ZFPM2: variants seen among roughly 807,000 people sequenced by gnomAD.
ZFPM2 encodes the protein zinc finger protein ZFPM2.
Under a neutral mutation model 98.6 loss-of-function variants are expected in ZFPM2, and 20 were observed. The observed-to-expected ratio is 0.20, with a 90% CI of 0.14 to 0.29. The LOEUF (loss-of-function observed/expected upper bound fraction) is 0.29. Ranked by LOEUF, ZFPM2 falls within the 10% of genes least tolerant of loss-of-function variation. The pLI is 1.00. For synonymous variants in ZFPM2, 518 were observed against 502.7 expected, an observed-to-expected ratio of 1.03 and a Z score of -0.41; for missense variants, 1,310 against 1,388.6, an observed-to-expected ratio of 0.94 and a Z score of 0.90.
chr8:105,591,518 T>G (rs148619633), intron 4 of ZFPM2, among the ~76,000 whole-genome samples: 83 of 152,248 alleles, frequency 5.5e-4, no homozygotes, highest in African/African-American at 1.9e-3. Flanking sequence ...TTAATACAGT[T>G]TTAAACTTGT....
At chr8:105,760,615 A>G (rs1563552419) in intron 5 of ZFPM2, among the ~76,000 whole-genome samples, 2 of 152,096 alleles carry the variant, frequency 1.3e-5, no homozygotes, top group African/African-American at 2.4e-5. Flanking sequence ...GTGGATTTAA[A>G]TCATGATATG....
intron 4 of ZFPM2, among the ~76,000 whole-genome samples, chr8:105,591,953 G>A (rs1815854296): frequency 6.6e-6 from 1 of 152,144 alleles, no homozygotes; most frequent in African/African-American, 2.4e-5. Flanking sequence ...TGTTAATTGT[G>A]TAAAAGAAAA....
At chr8:105,320,017 T>C (rs1166882074) in intron 1 of ZFPM2, among the ~76,000 whole-genome samples, 1 of 152,184 alleles carries the variant, frequency 6.6e-6, no homozygotes, top group Non-Finnish European at 1.5e-5. Flanking sequence ...AGCTTTATGA[T>C]GTGTCTGTTT....
chr8:105,423,627 T>G (rs2130103460), intron 2 of ZFPM2, among the ~76,000 whole-genome samples: 1 of 152,276 alleles, frequency 6.6e-6, no homozygotes, highest in Non-Finnish European at 1.5e-5. Context: ...GTACTGAAAT[T>G]TTCGTTTCAG....
At chr8:105,724,038 T>TC (rs1213635854) in intron 5 of ZFPM2, among the ~76,000 whole-genome samples, 1 of 151,870 alleles carries the variant, frequency 6.6e-6, no homozygotes, top group African/African-American at 2.4e-5. Context: ...TTTGCTGGCA[T>TC]TAAAGTTTGC....
At chr8:105,369,203 C>T (rs181889399) in intron 1 of ZFPM2, among the ~76,000 whole-genome samples, 3 of 152,212 alleles carry the variant, frequency 2.0e-5, no homozygotes, top group Admixed American at 2.0e-4. Context: ...ATCAGGTTTT[C>T]ACAAGATTAA....
chr8:105,540,979 A>G (rs2130624606), intron 3 of ZFPM2, among the ~76,000 whole-genome samples: 1 of 152,234 alleles, frequency 6.6e-6, no homozygotes, highest in African/African-American at 2.4e-5. Flanking sequence ...TGACTTTGAA[A>G]CAGTTTTATG....
chr8:105,418,430 T>C (rs1356614947), intron 1 of ZFPM2: 1 of 413,798 alleles, frequency 2.4e-6, no homozygotes, highest in East Asian at 7.0e-5. Flanking sequence ...TTCAATAAAA[T>C]AGGTCCATTA....
intron 5 of ZFPM2, among the ~76,000 whole-genome samples, chr8:105,761,195 CCTA>C (rs1252982265): frequency 6.6e-6 from 1 of 151,916 alleles, no homozygotes; most frequent in Non-Finnish European, 1.5e-5. Context: ...GAATGTAAGG[CCTA>C]CTAAGGGACC....
chr8:105,745,042 A>G (rs2131040624), intron 5 of ZFPM2, among the ~76,000 whole-genome samples: 1 of 152,162 alleles, frequency 6.6e-6, no homozygotes, highest in East Asian at 1.9e-4. Flanking sequence ...CACAAGCTCT[A>G]GCTCTTCTTC....
intron 1 of ZFPM2, among the ~76,000 whole-genome samples, chr8:105,405,935 G>A (rs567761649): frequency 2.4e-3 from 367 of 152,188 alleles, no homozygotes; most frequent in Non-Finnish European, 4.4e-3. Context: ...ATCCTCTCCA[G>A]CACCTGTTGT....
chr8:105,446,810 A>G (rs1233035824), intron 3 of ZFPM2, among the ~76,000 whole-genome samples: 8 of 152,168 alleles, frequency 5.3e-5, no homozygotes, highest in Non-Finnish European at 1.0e-4. Flanking sequence ...TAGCCAAAAA[A>G]GGGGTTTTAT....
intron 5 of ZFPM2, among the ~76,000 whole-genome samples, chr8:105,713,468 G>A (rs1012519738): frequency 6.6e-6 from 1 of 152,004 alleles, no homozygotes; most frequent in Non-Finnish European, 1.5e-5. Context: ...CCATTCTGTA[G>A]GTTGTTTACC....
Position 105,409,201 on chromosome 8 carries a change from C to A in ZFPM2, c.41-9943C>A, listed in dbSNP as rs151335699. ...ATGCTTTTGCTGTTGGAAGGTTTTG[C>A]TCTTCAGAAGACTCAAACAGCATGC... is the stretch of plus-strand genomic sequence containing the variant. On this transcript the variant is annotated intron_variant, in intron 1 of 7. Transcript: ENST00000407775. Among the ~76,000 whole-genome samples, 33 of 151,968 alleles carry A rather than the reference C, an allele frequency of 2.2e-4. 1 individual carries two copies. The East Asian group carries it at 6.4e-3, about 29-fold the overall frequency.
intron 1 of ZFPM2, among the ~76,000 whole-genome samples, chr8:105,332,710 C>T (rs77863642): frequency 0.011 from 1,651 of 151,576 alleles, 14 homozygotes; most frequent in African/African-American, 0.031. Flanking sequence ...GGTTCATAAG[C>T]GCGTCAGGTT....
At chr8:105,491,333 C>A (rs1813352035) in intron 3 of ZFPM2, among the ~76,000 whole-genome samples, 1 of 152,102 alleles carries the variant, frequency 6.6e-6, no homozygotes. Flanking sequence ...AATCAAAAAA[C>A]TGCATGTGTC....
intron 3 of ZFPM2, among the ~76,000 whole-genome samples, chr8:105,475,806 G>A (rs1438663718): frequency 6.6e-6 from 1 of 152,060 alleles, no homozygotes; most frequent in African/African-American, 2.4e-5. Context: ...ATCTTGCAAG[G>A]CAACTTCTAA....
chr8:105,345,822 A>C (rs1308246354), intron 1 of ZFPM2, among the ~76,000 whole-genome samples: 1 of 152,166 alleles, frequency 6.6e-6, no homozygotes, highest in East Asian at 1.9e-4. Flanking sequence ...TAACTCTCAA[A>C]TAGGATTTTG....
chr8:105,643,694 T>C (rs1477520972), intron 5 of ZFPM2, among the ~76,000 whole-genome samples: 1 of 152,212 alleles, frequency 6.6e-6, no homozygotes, highest in Admixed American at 6.5e-5. Context: ...GTATACGTGG[T>C]CTGACAATCA....
Sources: gnomAD v4.1 joint callset for allele counts (sites outside exome capture counted in the v4.1 genomes callset) on GRCh38, gnomAD v4.1.1 for gene constraint, MANE v1.5 for transcripts, NCBI Gene and HGNC (gene_info 2026-07-23, HGNC 2026-07-21) for gene names.